LOXL2: variants seen among roughly 807,000 people sequenced by gnomAD.
LOXL2 encodes lysyl oxidase homolog 2.
LOXL2 carries 70 observed loss-of-function variants against 93.0 expected under a neutral mutation model. The observed-to-expected ratio is 0.75, with a 90% confidence interval of 0.62 to 0.92. The LOEUF (loss-of-function observed/expected upper bound fraction) is 0.92, where lower values mean the gene tolerates loss of function less well. Among genes scored for constraint, LOXL2 ranks in the 40% least tolerant of loss-of-function variants. LOXL2 has a pLI of 0.00. For missense variants in LOXL2, 973 were observed against 1,054.9 expected, an observed-to-expected ratio of 0.92 and a Z score of 1.08; for synonymous variants, 438 against 413.2, an observed-to-expected ratio of 1.06 and a Z score of -0.73.
chr8:23,344,997 A>G (rs1036086669), intron 3 of LOXL2, among the ~76,000 whole-genome samples: 1 of 152,204 alleles, frequency 6.6e-6, no homozygotes, highest in Admixed American at 6.5e-5. Flanking sequence ...GCTTTGAATA[A>G]TGACAGCTAT....
Position 23,341,204 on chromosome 8 carries a change from C to G in LOXL2, c.532-1G>C, listed in dbSNP as rs779059462. ...TGTCCTCCACCTGGATATTCAGGTT[C>G]TGGGAAGAAAGAGGCGTGGAAGGAG... On this transcript the variant is annotated splice_acceptor_variant, in intron 3 of 13. Coordinates refer to ENST00000389131, the MANE Select transcript of LOXL2 (RefSeq NM_002318.3). LOFTEE classifies it high-confidence loss of function. 8 of 1,612,268 alleles carry G rather than the reference C, an allele frequency of 5.0e-6. No homozygotes were observed. The highest frequency in any genetic ancestry group is 5.9e-6 in the Non-Finnish European group (7 of 1,179,238).
chr8:23,313,961 C>CAAA, intron 9 of LOXL2, among the ~76,000 whole-genome samples: 1 of 56,670 alleles, frequency 1.8e-5, no homozygotes, highest in African/African-American at 4.7e-5. Context: ...AAAAAAACAA[C>CAAA]CCCATCAAAA....
At chr8:23,314,551 C>T (rs1231092257) in intron 9 of LOXL2, among the ~76,000 whole-genome samples, 1 of 141,330 alleles carries the variant, frequency 7.1e-6, no homozygotes, top group Non-Finnish European at 1.5e-5. Flanking sequence ...GAACAAAAAA[C>T]CAAACACCGC....
intron 1 of LOXL2, among the ~76,000 whole-genome samples, chr8:23,373,833 C>T (rs866685461): frequency 1.1e-4 from 16 of 152,090 alleles, no homozygotes; most frequent in African/African-American, 2.9e-4. Context: ...CTACCCCCAG[C>T]CTGGCACTGT....
In LOXL2 at chr8:23,298,936, G is replaced by T; in HGVS notation, c.2145C>A (p.Asn715Lys). Residue 715 changes from asparagine (N) to lysine (K), a missense_variant, in exon 13 of 14, where the codon AAC (asparagine) becomes AAA (lysine). Asn to Lys is a moderately conservative substitution (Grantham distance 94). Coordinates refer to ENST00000389131, the MANE Select transcript of LOXL2 (RefSeq NM_002318.3). ...CGGATTCTGCAACCTCGAAGTTGGG[G>T]TTAATAACAACCTAGGGAGAAGCAG... ...PGDYLFQVVI[N>K]PNFEVAESDY... 4 of 1,607,390 alleles carry T rather than the reference G, an allele frequency of 2.5e-6. No individual in the cohort carries two copies. Among genetic ancestry groups the T allele is most frequent in the East Asian group, 2.2e-5 (1 of 44,830 alleles).
At chr8:23,380,261 C>T (rs972404813) in intron 1 of LOXL2, among the ~76,000 whole-genome samples, 3 of 152,038 alleles carry the variant, frequency 2.0e-5, no homozygotes, top group Admixed American at 6.5e-5. Flanking sequence ...GGCATGGTGG[C>T]GTGTGCCTAT....
At chr8:23,338,308 G>A (rs1428407813) in intron 4 of LOXL2, among the ~76,000 whole-genome samples, 1 of 128,368 alleles carries the variant, frequency 7.8e-6, no homozygotes, top group Non-Finnish European at 1.6e-5. Flanking sequence ...GGGAAGCAGA[G>A]GTGCTGAGGA....
intron 12 of LOXL2, among the ~76,000 whole-genome samples, chr8:23,300,934 G>C (rs926727074): frequency 1.3e-5 from 2 of 152,226 alleles, no homozygotes; most frequent in Non-Finnish European, 2.9e-5. Context: ...TAACTCTCTG[G>C]TTAGGCCTCT....
chr8:23,307,494 G>A (rs577540462), intron 10 of LOXL2, among the ~76,000 whole-genome samples: 2 of 152,302 alleles, frequency 1.3e-5, no homozygotes, highest in Admixed American at 6.5e-5. Flanking sequence ...GGGAGCCAGG[G>A]TCTCCAGATC....
At chr8:23,328,104 C>A (rs956585693) in intron 6 of LOXL2, among the ~76,000 whole-genome samples, 1 of 152,058 alleles carries the variant, frequency 6.6e-6, no homozygotes, top group South Asian at 2.1e-4. Flanking sequence ...GGGAGACCTA[C>A]GGGGGAGTAT....
chr8:23,355,970 G>GT (rs1804190632), intron 3 of LOXL2, among the ~76,000 whole-genome samples: 1 of 151,966 alleles, frequency 6.6e-6, no homozygotes, highest in Non-Finnish European at 1.5e-5. Context: ...CTCTGTGACT[G>GT]TTTTTTTCCC....
chr8:23,391,012 C>T (rs917652327), intron 1 of LOXL2, among the ~76,000 whole-genome samples: 1 of 152,044 alleles, frequency 6.6e-6, no homozygotes, highest in Admixed American at 6.6e-5. Flanking sequence ...GAGAGCCAAG[C>T]GAAAGGGGTC....
intron 2 of LOXL2, among the ~76,000 whole-genome samples, chr8:23,362,894 C>T (rs905851505): frequency 5.3e-5 from 8 of 152,186 alleles, no homozygotes; most frequent in Non-Finnish European, 1.0e-4. Flanking sequence ...ATTTTTCTCA[C>T]CGCTCCTTTT....
At chr8:23,402,836 A>G (rs1232035564) in intron 1 of LOXL2, 1 of 152,084 alleles carries the variant, frequency 6.6e-6, no homozygotes, top group Non-Finnish European at 1.5e-5. Flanking sequence ...CTTAGGGACG[A>G]AACTAATTTG....
Position 23,396,360 on chromosome 8 carries a change from G to A in LOXL2, c.-84+7594C>T, listed in dbSNP as rs141450177. Among the ~76,000 whole-genome samples the A allele has an allele frequency of 2.5e-3, 383 of 150,426 alleles. 1 individual carries two copies. Among genetic ancestry groups the A allele is most frequent in the African/African-American group, 9.2e-3 (371 of 40,110 alleles). On this transcript the variant is annotated intron_variant, in intron 1 of 13. Coordinates refer to ENST00000389131, the MANE Select transcript of LOXL2 (RefSeq NM_002318.3). ...CAAACAAACAAACAAACAAAAAAAC[G>A]AGAGAGAGATCAGGTGGGAAGGGAA...
Position 23,350,891 on chromosome 8 carries a change from G to A in LOXL2, c.531+9199C>T, listed in dbSNP as rs185264168. Among the ~76,000 whole-genome samples, 10 of 152,296 alleles carry A rather than the reference G, an allele frequency of 6.6e-5. No individual in the cohort carries two copies. The East Asian group carries it at 1.9e-3, about 29-fold the overall frequency. On this transcript the variant is annotated intron_variant, in intron 3 of 13. Coordinates refer to ENST00000389131, the MANE Select transcript of LOXL2 (RefSeq NM_002318.3). ...GAACGGGCAAGCCCTGCTGTCAGCA[G>A]GAAGTCGGCGGGACACCTGCTCCAA...
chr8:23,320,121 G>A, intron 7 of LOXL2, 69 bp from the exon 8 acceptor site: 1 of 1,525,070 alleles, frequency 6.6e-7, no homozygotes, highest in Admixed American at 1.7e-5. Context: ...GCTGCCATCA[G>A]CCCCAGTGTC....
intron 1 of LOXL2, among the ~76,000 whole-genome samples, chr8:23,381,107 T>G (rs1433617659): frequency 6.6e-6 from 1 of 151,784 alleles, no homozygotes; most frequent in Non-Finnish European, 1.5e-5. Context: ...TTTTTTTTTT[T>G]GTACACATTT....
intron 3 of LOXL2, among the ~76,000 whole-genome samples, chr8:23,350,738 G>A (rs933037458): frequency 2.6e-5 from 4 of 152,038 alleles, no homozygotes; most frequent in Non-Finnish European, 4.4e-5. Flanking sequence ...GGAAAGAGCC[G>A]GTAGTCTGTT....
Sources: gnomAD v4.1 joint callset for allele counts (sites outside exome capture counted in the v4.1 genomes callset) on GRCh38, gnomAD v4.1.1 for gene constraint, MANE v1.5 for transcripts, NCBI Gene and HGNC (gene_info 2026-07-23, HGNC 2026-07-21) for gene names.